Variants in MIER1 observed in about 807,000 individuals in gnomAD.
MIER1 encodes the protein mesoderm induction early response protein 1.
A neutral mutation model predicts 75.7 loss-of-function variants in MIER1; 40 were observed. That is an observed-to-expected ratio of 0.53 (90% CI 0.41 to 0.69). The LOEUF is 0.69. MIER1 is among the 30% of genes least tolerant of loss of function. The pLI is 0.00. For missense variants in MIER1, 574 were observed against 680.2 expected, an observed-to-expected ratio of 0.84 and a Z score of 1.74; for synonymous variants, 213 against 223.4, an observed-to-expected ratio of 0.95 and a Z score of 0.42.
intron 11 of MIER1, among the ~76,000 whole-genome samples, chr1:66,976,313 A>T (rs1664728337): frequency 6.6e-6 from 1 of 152,168 alleles, no homozygotes. Flanking sequence ...ACTTCCAAGC[A>T]TTTTTAATAC....
Position 66,958,941 on chromosome 1 carries a change from C to G in MIER1, c.592C>G (p.Gln198Glu), listed in dbSNP as rs1660701570. The G allele has an allele frequency of 1.2e-6, 2 of 1,612,902 alleles. No individual in the cohort carries two copies. The highest frequency in any genetic ancestry group is 1.7e-6 in the Non-Finnish European group (2 of 1,179,296). The change falls in exon 6 of 14, where the codon CAG becomes GAG. Residue 198 changes from glutamine (Q) to glutamate (E), a missense_variant. Around this residue, in one of 3 missense-constraint regions of MIER1, gnomAD observed 309 missense variants for 352.8 expected, o/e 0.88. Transcript: ENST00000401041. The part of the protein sequence containing the change: ...PSQSVASQDA[Q>E]EIIRPRRCKY... ...ACAATCTGTTGCTTCTCAAGATGCC[C>G]AGGAAATAATCCGCCCACGTCGATG...
At chr1:66,978,931 T>G (rs1317375865) in intron 12 of MIER1, among the ~76,000 whole-genome samples, 4 of 152,252 alleles carry the variant, frequency 2.6e-5, no homozygotes, top group African/African-American at 9.6e-5. Flanking sequence ...GTAACTTTAA[T>G]GACTCTTAAG....
At position 66,973,081 on chromosome 1, in the gene MIER1, T is replaced by A. The variant is rs1664022999; in HGVS notation, c.1101+90T>A. 7 of 683,548 alleles carry A rather than the reference T, an allele frequency of 1.0e-5. No individual in the cohort carries two copies. In the Admixed American group the frequency reaches 1.9e-4, roughly 19 times the overall value. 42.3% of individuals were successfully genotyped at this position (683,548 alleles called of 1,614,324 possible). ...TCGTAATTTGTTATATTGTCTAGTG[T>A]TAAAGGTTTCATAATTAATATGACA... On this transcript the variant is annotated intron_variant, in intron 11 of 13. Transcript: ENST00000401041.
intron 13 of MIER1, among the ~76,000 whole-genome samples, chr1:66,982,561 T>G (rs574609355): frequency 4.4e-4 from 67 of 152,332 alleles, no homozygotes; most frequent in Non-Finnish European, 6.8e-4. Flanking sequence ...TGATTTCTTC[T>G]TTGATTAAAT....
intron 12 of MIER1, among the ~76,000 whole-genome samples, chr1:66,977,654 A>G (rs1193118367): frequency 1.3e-5 from 2 of 152,332 alleles, no homozygotes; most frequent in Admixed American, 6.5e-5. Context: ...GGAGTGAAAC[A>G]TTCCACTACC....
At chr1:66,946,564 A>C in intron 4 of MIER1, 1 of 1,103,836 alleles carries the variant, frequency 9.1e-7, no homozygotes, top group South Asian at 3.6e-5. Flanking sequence ...CTGGTCAAAA[A>C]TGGACTATAA....
At position 66,963,075 on chromosome 1, in the gene MIER1, A is replaced by AT. The variant is rs1661583138; in HGVS notation, c.700-8dup. On this transcript the variant is annotated splice_polypyrimidine_tract_variant and intron_variant, in intron 7 of 13. Coordinates refer to ENST00000401041, the MANE Select transcript of MIER1 (RefSeq NM_001077700.3). ...CTAGATCTTACTAATGTTTTATGTT[A>AT]TTTTTAAAATAGGAGATTATGGTGG... 2 of 1,577,494 alleles carry AT rather than the reference A, an allele frequency of 1.3e-6. No homozygotes were observed. Among genetic ancestry groups the AT allele is most frequent in the Non-Finnish European group, 1.7e-6 (2 of 1,148,162 alleles).
chr1:66,955,271 T>C (rs1184643290), intron 4 of MIER1, among the ~76,000 whole-genome samples: 1 of 148,512 alleles, frequency 6.7e-6, no homozygotes, highest in Non-Finnish European at 1.5e-5. Context: ...AGGTATCTTA[T>C]CCCAGACCTG....
In MIER1 at chr1:66,984,870, A is replaced by G; in HGVS notation, c.1668A>G (p.Lys556=). The change falls in exon 14 of 14, where the codon AAA becomes AAG. Residue 556 remains lysine, a synonymous_variant. Transcript: ENST00000401041. ...TCCAAGAAGCAGTCTCACATGGGAA[A>G]TTTGAAGAACTTGAAAACACAGATG... ...EFFQEAVSHG[K]FEELENTDD is the part of the protein sequence containing the mutation. 2 of 1,596,072 alleles carry G rather than the reference A, an allele frequency of 1.3e-6. No homozygotes were observed. The highest frequency in any genetic ancestry group is 1.7e-6 in the Non-Finnish European group (2 of 1,174,874).
At chr1:66,933,802 G>T (rs1266277264) in intron 2 of MIER1, among the ~76,000 whole-genome samples, 1 of 152,118 alleles carries the variant, frequency 6.6e-6, no homozygotes, top group African/African-American at 2.4e-5. Flanking sequence ...TTAATAGGTG[G>T]GAAAGGTTTG....
Position 66,981,760 on chromosome 1 carries a change from TTG to T in MIER1, c.1230-17_1230-16del, listed in dbSNP as rs899551131. The T allele has an allele frequency of 1.5e-5, 23 of 1,562,804 alleles. No individual in the cohort carries two copies. Among genetic ancestry groups the T allele is most frequent in the Non-Finnish European group, 1.7e-5 (20 of 1,156,554 alleles). ...TTTTCAGCTCTTTTTAATATAAAAA[TTG>T]TTTTATTAATTTTAAGGGATTACAT... On this transcript the variant is annotated splice_polypyrimidine_tract_variant and intron_variant, in intron 12 of 13. Transcript: ENST00000401041.
intron 5 of MIER1, 136 bp downstream of exon 5, chr1:66,958,356 A>C: frequency 1.8e-6 from 1 of 563,960 alleles, no homozygotes; most frequent in Non-Finnish European, 2.8e-6. Flanking sequence ...TATTACAGAA[A>C]TACATAATAT....
chr1:66,925,441 T>C (rs1311073094), intron 1 of MIER1: 10 of 985,230 alleles, frequency 1.0e-5, no homozygotes, highest in Non-Finnish European at 1.2e-5. Flanking sequence ...GGGGCTAAGC[T>C]GACCACCCTG....
intron 1 of MIER1, chr1:66,925,503 G>C (rs1261114992): frequency 9.1e-6 from 9 of 985,446 alleles, no homozygotes; most frequent in Non-Finnish European, 6.0e-6. Context: ...TCCCATCCCC[G>C]GGAGGCTCTC....
intron 12 of MIER1, among the ~76,000 whole-genome samples, chr1:66,978,206 A>AT (rs1395591085): frequency 3.4e-5 from 5 of 147,792 alleles, no homozygotes; most frequent in African/African-American, 1.2e-4. Context: ...CAAAAAAAAA[A>AT]AAAAAAGATG....
intron 4 of MIER1, chr1:66,946,687 A>G (rs1657729622): frequency 4.0e-6 from 4 of 989,340 alleles, no homozygotes; most frequent in African/African-American, 3.5e-5. Context: ...TTCACTACAT[A>G]AAGTGCTCTA....
At chr1:66,977,238 T>A (rs998218909) in intron 12 of MIER1, among the ~76,000 whole-genome samples, 2 of 151,850 alleles carry the variant, frequency 1.3e-5, no homozygotes, top group African/African-American at 4.8e-5. Context: ...GCCTCCCGAG[T>A]AGCTGGGATT....
At chr1:66,946,741 T>C in intron 4 of MIER1, 5 of 985,794 alleles carry the variant, frequency 5.1e-6, no homozygotes, top group Non-Finnish European at 2.4e-6. Flanking sequence ...TCTCCACCTC[T>C]TCCTATCAAG....
At position 66,986,331 on chromosome 1, in the gene MIER1, T is replaced by TTA; in HGVS notation, c.*1436_*1437dup. On this transcript the variant is annotated 3_prime_UTR_variant, in exon 14 of 14. Transcript: ENST00000401041. ...TAAATTCTTGTTAAATAATGTAGTT[T>TTA]TATATAGCTGATAGACCAACCTATA... The TTA allele has an allele frequency of 6.4e-7, 1 of 1,558,124 alleles. No individual in the cohort carries two copies. Among genetic ancestry groups the TTA allele is most frequent in the Non-Finnish European group, 8.6e-7 (1 of 1,159,676 alleles).
Sources: gnomAD v4.1 joint callset for allele counts (sites outside exome capture counted in the v4.1 genomes callset) on GRCh38, gnomAD v4.1.1 for gene constraint, gnomAD v4.1.1 regional missense constraint, MANE v1.5 for transcripts, NCBI Gene and HGNC (gene_info 2026-07-23, HGNC 2026-07-21) for gene names.